MTMR9: variants seen among roughly 807,000 people sequenced by gnomAD.
The protein encoded by MTMR9 is myotubularin related protein 9, also known as myotubularin-related protein 9.
A neutral mutation model predicts 69.5 loss-of-function variants in MTMR9; 39 were observed. That is an observed-to-expected ratio of 0.56 (90% CI 0.43 to 0.73). The LOEUF (loss-of-function observed/expected upper bound fraction) is 0.73, where lower values mean the gene tolerates loss of function less well. Ranked by LOEUF, MTMR9 falls within the 30% of genes least tolerant of loss-of-function variation. The pLI, the probability that MTMR9 is intolerant of heterozygous loss-of-function variation, is 0.00. For synonymous variants in MTMR9, 354 were observed against 240.8 expected (o/e 1.47, Z -4.35); for missense variants, 900 against 671.2 (o/e 1.34, Z -3.77).
chr8:11,329,485 C>T (rs893686031), downstream of MTMR9, among the ~76,000 whole-genome samples: 43 of 152,346 alleles, frequency 2.8e-4, no homozygotes, highest in Non-Finnish European at 5.0e-4. Flanking sequence ...GACTGGTTTT[C>T]GTATTTTTTT....
intron 1 of MTMR9, among the ~76,000 whole-genome samples, chr8:11,291,320 T>A (rs1270118343): frequency 6.6e-6 from 1 of 152,080 alleles, no homozygotes; most frequent in Non-Finnish European, 1.5e-5. Flanking sequence ...GCTGAGGATA[T>A]AGAAATTAAT....
chr8:11,309,162 C>T (rs953788518), intron 5 of MTMR9, among the ~76,000 whole-genome samples: 5 of 152,066 alleles, frequency 3.3e-5, no homozygotes, highest in Non-Finnish European at 5.9e-5. Flanking sequence ...CTGCTGATGG[C>T]ACTGGGTCTC....
At chr8:11,318,345 TC>T (rs752519319) in intron 8 of MTMR9, 2 of 152,206 alleles carry the variant, frequency 1.3e-5, no homozygotes, top group Non-Finnish European at 2.9e-5. Context: ...GTCCTTGTCA[TC>T]CCTGGTTCCT....
chr8:11,292,354 C>G (rs1799404026), intron 1 of MTMR9, among the ~76,000 whole-genome samples: 1 of 152,098 alleles, frequency 6.6e-6, no homozygotes, highest in Non-Finnish European at 1.5e-5. Flanking sequence ...CATTTACTTG[C>G]CAGTGGAATG....
At position 11,316,728 on chromosome 8, in the gene MTMR9, A is replaced by G. The variant is rs1800432901; in HGVS notation, c.1169A>G (p.Gln390Arg). ...CAQSAYCNTKQKWEAPVFLLF... is the reference protein window; with the variant it reads ...CAQSAYCNTKRKWEAPVFLLF... ...CAGTCAGCCTACTGTAACACCAAGC[A>G]GAAGTGGGAGGCTCCTGTATTTCTT... Residue 390 changes from glutamine to arginine, a missense_variant, in exon 8 of 10, where the codon CAG becomes CGG. Transcript: ENST00000221086. 1.2e-6 allele frequency: 2 copies of G among 1,613,604 alleles called. No individual in the cohort carries two copies. Among genetic ancestry groups the G allele is most frequent in the African/African-American group, 1.3e-5 (1 of 74,846 alleles).
In MTMR9 at chr8:11,325,799, C is replaced by G. The variant is rs539974401; in HGVS notation, c.*3011C>G. On this transcript the variant is annotated 3_prime_UTR_variant, in exon 10 of 10. Transcript: ENST00000221086. ...TTGATTTTATTAAATGGGAAGAAAG[C>G]AAGCAGAAATAGTAAAATTCAGTAG... The G allele has an allele frequency of 6.6e-6, 1 of 151,774 alleles. No individual in the cohort carries two copies. The highest frequency in any genetic ancestry group is 2.1e-4 in the South Asian group (1 of 4,820). The allele number at this position is 151,774 out of a possible 1,614,324, so 9.4% of individuals were successfully genotyped here.
At chr8:11,294,724 C>G (rs1026984261) in intron 1 of MTMR9, 2 of 152,350 alleles carry the variant, frequency 1.3e-5, no homozygotes, top group African/African-American at 4.9e-5. Context: ...CTCCTGACCT[C>G]GTGATCCACC....
In MTMR9 at chr8:11,284,881, G is replaced by GC. The variant is rs774999815; in HGVS notation, c.-8_-7insC. 3.4e-6 allele frequency: 5 copies of GC among 1,462,726 alleles called. No individual in the cohort carries two copies. The Admixed American group carries it at 6.6e-5, about 19-fold the overall frequency. The allele number at this position is 1,462,726 out of a possible 1,614,324, so 90.6% of individuals were successfully genotyped here. A position where few individuals can be genotyped will look rare whatever the true frequency, so the allele number is the denominator to read the frequency against. On this transcript the variant is annotated 5_prime_UTR_variant, in exon 1 of 10. Coordinates refer to ENST00000221086, the MANE Select transcript of MTMR9 (RefSeq NM_015458.4). ...GGCTCGGTTCCCTGGCTCCGGCCGCGGGGGAGCATGGAGTTTGCGGAGCTG... is the reference window on the plus strand; with the variant it reads ...GGCTCGGTTCCCTGGCTCCGGCCGCGCGGGGAGCATGGAGTTTGCGGAGCTG...
At chr8:11,319,904 T>A (rs1345504248) in intron 9 of MTMR9, 66 bp downstream of exon 9, 2 of 1,527,176 alleles carry the variant, frequency 1.3e-6, no homozygotes, top group South Asian at 1.2e-5. Flanking sequence ...TGTGAGTGTG[T>A]GCTGTTGGTG....
chr8:11,286,666 C>CAAAAAAA (rs869105936), intron 1 of MTMR9, among the ~76,000 whole-genome samples: 1 of 71,662 alleles, frequency 1.4e-5, no homozygotes, highest in Non-Finnish European at 2.8e-5. Context: ...AACTCCATCT[C>CAAAAAAA]AAAAAAAAAA....
chr8:11,332,025 C>T (rs201327481), downstream of MTMR9: 639 of 1,611,816 alleles, frequency 4.0e-4, 1 homozygote, highest in East Asian at 5.1e-3. Flanking sequence ...GACTGTGGCA[C>T]TTTCTGACAT....
chr8:11,286,581 G>C lies in MTMR9; in HGVS notation c.182+1511G>C, dbSNP rs144183525. 8.0e-3 allele frequency among the ~76,000 whole-genome samples: 1,187 copies of C among 147,706 alleles called. 18 individuals carry two copies. The highest frequency in any genetic ancestry group is 0.029 in the African/African-American group (1,133 of 39,632). On this transcript the variant is annotated intron_variant, in intron 1 of 9. Coordinates refer to ENST00000221086, the MANE Select transcript of MTMR9 (RefSeq NM_015458.4). The stretch of plus-strand genomic sequence containing the variant: ...CTCAGGAGGCTGAGGCGGAAAAATC[G>C]CTTGAACCTTGGAAGCAGAGGTTGC...
downstream of MTMR9, among the ~76,000 whole-genome samples, chr8:11,330,073 C>CG (rs1373462086): frequency 2.7e-5 from 4 of 150,746 alleles, no homozygotes; most frequent in South Asian, 6.3e-4. Flanking sequence ...GGAGCGTCTC[C>CG]GCCTGGCAGC....
At chr8:11,304,427 G>A (rs191397443) in intron 3 of MTMR9, among the ~76,000 whole-genome samples, 2 of 152,174 alleles carry the variant, frequency 1.3e-5, no homozygotes, top group Non-Finnish European at 1.5e-5. Context: ...GATGTTGGCC[G>A]TGATAATTGT....
At chr8:11,299,530 A>G (rs914448520) in intron 2 of MTMR9, among the ~76,000 whole-genome samples, 2 of 152,206 alleles carry the variant, frequency 1.3e-5, no homozygotes, top group African/African-American at 4.8e-5. Context: ...TCAGTCCGGC[A>G]TTCTCATTCC....
chr8:11,290,372 A>C (rs902741229), intron 1 of MTMR9, among the ~76,000 whole-genome samples: 7 of 151,700 alleles, frequency 4.6e-5, no homozygotes, highest in African/African-American at 1.7e-4. Context: ...TTCATTCTCC[A>C]TTTAGGCATT....
chr8:11,301,618 C>A (rs1291043410), intron 3 of MTMR9, among the ~76,000 whole-genome samples: 1 of 152,034 alleles, frequency 6.6e-6, no homozygotes, highest in Non-Finnish European at 1.5e-5. Context: ...GATATGACAC[C>A]AAAAGTGACT....
intron 1 of MTMR9, among the ~76,000 whole-genome samples, chr8:11,288,516 G>GT (rs903849458): frequency 4.0e-5 from 6 of 151,810 alleles, no homozygotes; most frequent in Non-Finnish European, 8.8e-5. Context: ...AGCTAGAACT[G>GT]TGAGTGTCTG....
chr8:11,314,559 G>T (rs903555246), intron 6 of MTMR9, among the ~76,000 whole-genome samples: 1 of 152,160 alleles, frequency 6.6e-6, no homozygotes, highest in South Asian at 2.1e-4. Flanking sequence ...TTTAACCAAC[G>T]ATTAAAGCAG....
Sources: allele counts gnomAD v4.1 joint callset (sites outside exome capture counted in the v4.1 genomes callset), GRCh38; gene constraint gnomAD v4.1.1; transcripts MANE v1.5; gene names NCBI Gene and HGNC (gene_info 2026-07-23, HGNC 2026-07-21).